Variants in CHAC2 observed in about 807,000 individuals in gnomAD.
The protein encoded by CHAC2 is glutathione-specific gamma-glutamylcyclotransferase 2.
CHAC2 carries 20 observed loss-of-function variants against 16.9 expected under a neutral mutation model. The observed-to-expected ratio is 1.18, with a 90% confidence interval of 0.83 to 1.72. The LOEUF is 1.72. Ranked by LOEUF, CHAC2 falls within the 40% of genes most tolerant of loss-of-function variation. The pLI, the probability that CHAC2 is intolerant of heterozygous loss-of-function variation, is 0.00. For missense variants in CHAC2, 269 were observed against 222.2 expected (o/e 1.21, Z -1.34); for synonymous variants, 91 against 77.3 (o/e 1.18, Z -0.93).
rs1420603552 is a variant in CHAC2, at chr2:53,774,992, T to C, written c.*467T>C. On this transcript the variant is annotated 3_prime_UTR_variant, in exon 3 of 3. Transcript: ENST00000295304. ...AATACACAATAATATGAACAGTATT[T>C]CAGCCTTAATTGTGAATTTCCTTGT... 1 of 152,800 alleles carries C rather than the reference T, an allele frequency of 6.5e-6. No individual in the cohort carries two copies. The highest frequency in any genetic ancestry group is 1.5e-5 in the Non-Finnish European group (1 of 68,120). The allele number at this position is 152,800 out of a possible 1,614,324, so 9.5% of individuals were successfully genotyped here.
At chr2:53,773,478 T>C (rs752852878) in intron 2 of CHAC2, among the ~76,000 whole-genome samples, 1 of 152,144 alleles carries the variant, frequency 6.6e-6, no homozygotes, top group Non-Finnish European at 1.5e-5. Flanking sequence ...TAACCCAGGC[T>C]TGAGTTCAGT....
At position 53,768,012 on chromosome 2, in the gene CHAC2, C is replaced by A; in HGVS notation, c.126C>A (p.Val42=). 6.2e-7 allele frequency: 1 copy of A among 1,613,574 alleles called. No homozygotes were observed. Among genetic ancestry groups the A allele is most frequent in the Non-Finnish European group, 8.5e-7 (1 of 1,179,984 alleles). Residue 42 remains valine (V), a synonymous_variant, in exon 1 of 3, where the codon GTC becomes GTA. Transcript: ENST00000295304. The part of the protein sequence containing the change: ...FWQGSTDHRG[V]PGKPGRVVTL... ...AGGGCAGCACGGACCACCGCGGGGT[C>A]CCCGGCAAGGTGAGGCGCCGGTCAG... is the stretch of plus-strand genomic sequence containing the variant.
At chr2:53,768,900 A>G (rs1673689366) in intron 1 of CHAC2, among the ~76,000 whole-genome samples, 1 of 152,252 alleles carries the variant, frequency 6.6e-6, no homozygotes, top group Admixed American at 6.5e-5. Flanking sequence ...AAATTGGTCA[A>G]TGGAAAGTGG....
In CHAC2 at chr2:53,767,830, C is replaced by T. The variant is rs965734324; in HGVS notation, c.-57C>T. ...CTCGCTTACCGGAGGCTTCAGTCCC[C>T]GGCGGCGCGGCGACAGCTAGGGTTC... On this transcript the variant is annotated 5_prime_UTR_variant, in exon 1 of 3. Transcript: ENST00000295304. 62 of 1,552,696 alleles carry T rather than the reference C, an allele frequency of 4.0e-5. No individual in the cohort carries two copies. The highest frequency in any genetic ancestry group is 4.9e-5 in the Non-Finnish European group (56 of 1,145,928).
intron 1 of CHAC2, among the ~76,000 whole-genome samples, chr2:53,771,551 CT>C (rs1252712423): frequency 6.6e-6 from 1 of 152,114 alleles, no homozygotes; most frequent in Non-Finnish European, 1.5e-5. Context: ...CTATAACATT[CT>C]TTTTTCCTTA....
intron 1 of CHAC2, among the ~76,000 whole-genome samples, chr2:53,770,498 TAAAAAA>T (rs76201682): frequency 4.5e-5 from 5 of 110,532 alleles, no homozygotes; most frequent in Non-Finnish European, 3.6e-5. Context: ...GAAGTTTATT[TAAAAAA>T]AAAAAAAAAA....
intron 1 of CHAC2, among the ~76,000 whole-genome samples, chr2:53,768,511 T>C (rs1243249574): frequency 6.6e-6 from 1 of 152,222 alleles, no homozygotes; most frequent in Non-Finnish European, 1.5e-5. Context: ...AGGATTTCTT[T>C]ACATCTTTCA....
intron 2 of CHAC2, among the ~76,000 whole-genome samples, chr2:53,773,661 C>T (rs1274180071): frequency 1.3e-5 from 2 of 151,850 alleles, no homozygotes; most frequent in Non-Finnish European, 2.9e-5. Flanking sequence ...CCACTCCTGA[C>T]CTCGTGATCC....
rs370694148 is a variant in CHAC2 at position 53,767,892 on chromosome 2, G to C, written c.6G>C (p.Trp2Cys). Residue 2 changes from tryptophan (W) to cysteine (C), a missense_variant, in exon 1 of 3, where the codon TGG becomes TGC. Physicochemically the swap from Trp to Cys is radical, Grantham distance 215. Transcript: ENST00000295304. ...GGCAGAGGAGCCGCGAGAAGATGTG[G>C]GTTTTTGGTTACGGGTCCCTGATCT... The part of the protein sequence containing the change: M[W>C]VFGYGSLIWK... 6.5e-5 allele frequency: 104 copies of C among 1,610,772 alleles called. No individual in the cohort carries two copies. Among genetic ancestry groups the C allele is most frequent in the Non-Finnish European group, 8.5e-5 (100 of 1,178,720 alleles).
At chr2:53,772,061 TTC>T in intron 2 of CHAC2, 119 bp downstream of exon 2, 1 of 632,032 alleles carries the variant, frequency 1.6e-6, no homozygotes, top group South Asian at 2.3e-5. Flanking sequence ...TTTAGAATTC[TTC>T]TCTGTATTTG....
intron 2 of CHAC2, among the ~76,000 whole-genome samples, chr2:53,772,147 A>G (rs1329350427): frequency 1.3e-5 from 2 of 151,908 alleles, no homozygotes; most frequent in Non-Finnish European, 1.5e-5. Flanking sequence ...GTAGACAACA[A>G]CGTACAGACA....
intron 1 of CHAC2, among the ~76,000 whole-genome samples, chr2:53,770,345 T>C (rs971780493): frequency 6.6e-6 from 1 of 152,108 alleles, no homozygotes; most frequent in African/African-American, 2.4e-5. Context: ...GCAACAAAGA[T>C]GACACAAATG....
chr2:53,771,944 T>C lies in CHAC2; in HGVS notation c.171+2T>C. The stretch of plus-strand genomic sequence containing the variant: ...GTGACTCTTGTTGAAGATCCTGCGG[T>C]ATGGTATAAATATTCTTTTTTGTAT... On this transcript the variant is annotated splice_donor_variant, in intron 2 of 2. Coordinates refer to ENST00000295304, the MANE Select transcript of CHAC2 (RefSeq NM_001008708.4). LOFTEE classifies it high-confidence loss of function. 6.6e-7 allele frequency: 1 copy of C among 1,524,766 alleles called. No homozygotes were observed. The highest frequency in any genetic ancestry group is 1.4e-5 in the African/African-American group (1 of 72,036). The allele number at this position is 1,524,766 out of a possible 1,614,324, so 94.5% of individuals were successfully genotyped here. A position where few individuals can be genotyped will look rare whatever the true frequency, so the allele number is the denominator to read the frequency against.
intron 2 of CHAC2, 140 bp from the exon 3 acceptor site, chr2:53,774,002 C>G (rs1674145230): frequency 1.0e-6 from 1 of 953,240 alleles, no homozygotes; most frequent in East Asian, 2.6e-5. Context: ...GCCACTGCAC[C>G]ACAGCCTGGG....
intron 1 of CHAC2, among the ~76,000 whole-genome samples, chr2:53,771,118 C>A (rs535674107): frequency 6.6e-6 from 1 of 152,336 alleles, no homozygotes; most frequent in Admixed American, 6.5e-5. Flanking sequence ...TGTGGCCTAA[C>A]AATGTCTTTG....
chr2:53,774,630 T>C lies in CHAC2; in HGVS notation c.*105T>C. The C allele has an allele frequency of 1.2e-6, 1 of 837,176 alleles. No homozygotes were observed. The highest frequency in any genetic ancestry group is 1.7e-6 in the Non-Finnish European group (1 of 581,270). 51.9% of individuals were successfully genotyped at this position (837,176 alleles called of 1,614,324 possible). On this transcript the variant is annotated 3_prime_UTR_variant, in exon 3 of 3. Coordinates refer to ENST00000295304, the MANE Select transcript of CHAC2 (RefSeq NM_001008708.4). Reference sequence around the variant, plus strand: ...ATGTAGTGAGGATATTATTTAAACTTTTATTTTAACTGGAAATGTCCTGAA... The same window carrying C: ...ATGTAGTGAGGATATTATTTAAACTCTTATTTTAACTGGAAATGTCCTGAA...
intron 2 of CHAC2, among the ~76,000 whole-genome samples, 200 bp from the exon 3 acceptor site, chr2:53,773,942 G>C (rs1294298357): frequency 1.3e-5 from 2 of 152,078 alleles, no homozygotes; most frequent in African/African-American, 4.8e-5. Context: ...GGCTGAGGCA[G>C]GAGAATAGCT....
rs1482937652 is a variant in CHAC2 at position 53,771,948 on chromosome 2, G to A, written c.171+6G>A. 6.8e-6 allele frequency: 10 copies of A among 1,475,760 alleles called. No homozygotes were observed. Among genetic ancestry groups the A allele is most frequent in the Non-Finnish European group, 8.3e-6 (9 of 1,087,556 alleles). The allele number at this position is 1,475,760 out of a possible 1,614,324, so 91.4% of individuals were successfully genotyped here. On this transcript the variant is annotated splice_donor_region_variant and intron_variant, in intron 2 of 2. Transcript: ENST00000295304. ...CTCTTGTTGAAGATCCTGCGGTATG[G>A]TATAAATATTCTTTTTTGTATAATT...
chr2:53,768,024 G>A lies in CHAC2; in HGVS notation c.135+3G>A, dbSNP rs1041369956. On this transcript the variant is annotated splice_donor_region_variant and intron_variant, in intron 1 of 2. Coordinates refer to ENST00000295304, the MANE Select transcript of CHAC2 (RefSeq NM_001008708.4). ...ACCACCGCGGGGTCCCCGGCAAGGT[G>A]AGGCGCCGGTCAGCTCCCCACACTT... The A allele has an allele frequency of 3.7e-6, 6 of 1,613,070 alleles. No homozygotes were observed. In the Admixed American group the frequency reaches 5.0e-5, roughly 13 times the overall value.
Sources: gnomAD v4.1 joint callset for allele counts (sites outside exome capture counted in the v4.1 genomes callset) on GRCh38, gnomAD v4.1.1 for gene constraint, MANE v1.5 for transcripts, NCBI Gene and HGNC (gene_info 2026-07-23, HGNC 2026-07-21) for gene names.